Variants in SV2C observed in about 807,000 individuals in gnomAD.
SV2C encodes the protein solute carrier family 22 member B3.
Under a neutral mutation model 79.7 loss-of-function variants are expected in SV2C, and 49 were observed. The observed-to-expected ratio is 0.61, with a 90% CI of 0.49 to 0.78. SV2C has a LOEUF of 0.78. Among genes scored for constraint, SV2C ranks in the 30% least tolerant of loss-of-function variants. The pLI, the probability that SV2C is intolerant of heterozygous loss-of-function variation, is 0.00. For synonymous variants in SV2C, 334 were observed against 333.2 expected, an observed-to-expected ratio of 1.00 and a Z score of -0.03; for missense variants, 833 against 912.9, an observed-to-expected ratio of 0.91 and a Z score of 1.13.
At chr5:75,906,367 C>T in the SV2C span, among the ~76,000 whole-genome samples, 2,512 of 151,774 alleles carry the variant, frequency 0.017, 35 homozygotes, top group African/African-American at 0.043. Flanking sequence ...TGTGCTAAAA[C>T]AGGTATGAAG....
the SV2C span, among the ~76,000 whole-genome samples, chr5:75,917,369 A>C: frequency 2.6e-5 from 4 of 152,344 alleles, no homozygotes; most frequent in South Asian, 4.1e-4. Context: ...AGTTAGGTTT[A>C]GCACTATATC....
Position 76,194,861 on chromosome 5 carries a change from T to C in SV2C, c.581-58T>C, listed in dbSNP as rs1054382824. ...ATTTTGTTCCTTGTTCACTTGCTGT[T>C]ACATGTGTCATTGACTCCCAACCTC... On this transcript the variant is annotated intron_variant, in intron 2 of 12. Coordinates refer to ENST00000502798, the MANE Select transcript of SV2C (RefSeq NM_014979.4). The C allele has an allele frequency of 3.6e-5, 57 of 1,576,878 alleles. No individual in the cohort carries two copies. The Middle Eastern group carries it at 7.6e-4, about 21-fold the overall frequency.
chr5:76,317,695 TGG>T (rs1252533066), intron 12 of SV2C, among the ~76,000 whole-genome samples: 1 of 152,176 alleles, frequency 6.6e-6, no homozygotes, highest in Non-Finnish European at 1.5e-5. Context: ...CTGAGCTTGC[TGG>T]CACACATTTG....
At chr5:76,228,225 A>G (rs1040651468) in intron 4 of SV2C, among the ~76,000 whole-genome samples, 8 of 152,136 alleles carry the variant, frequency 5.3e-5, no homozygotes, top group African/African-American at 1.7e-4. Flanking sequence ...TTTCCCTGCT[A>G]TTAAGCGTCG....
intron 1 of SV2C, among the ~76,000 whole-genome samples, chr5:76,116,417 G>T (rs191948828): frequency 9.9e-5 from 15 of 152,262 alleles, no homozygotes; most frequent in Admixed American, 7.2e-4. Flanking sequence ...TGAGTGATTG[G>T]ATCTTTTAAA....
At chr5:76,088,799 T>TTA (rs1231188941) in intron 1 of SV2C, among the ~76,000 whole-genome samples, 11 of 151,758 alleles carry the variant, frequency 7.2e-5, no homozygotes, top group South Asian at 6.3e-4. Context: ...TCCTTTTTTT[T>TTA]AAAAAAAAAT....
At chr5:75,979,788 G>T in the SV2C span, among the ~76,000 whole-genome samples, 2 of 152,020 alleles carry the variant, frequency 1.3e-5, no homozygotes, top group Non-Finnish European at 2.9e-5. Flanking sequence ...AAGATCTCAA[G>T]TTAACAACCT....
chr5:75,889,177 G>C, the SV2C span, among the ~76,000 whole-genome samples: 1 of 151,522 alleles, frequency 6.6e-6, no homozygotes, highest in East Asian at 2.0e-4. Flanking sequence ...ATGGTGGTTT[G>C]CTGCATCTAT....
Position 76,260,199 on chromosome 5 carries a change from A to G in SV2C, c.914-24963A>G, listed in dbSNP as rs191477721. Among the ~76,000 whole-genome samples, 197 of 152,256 alleles carry G rather than the reference A, an allele frequency of 1.3e-3. 1 individual carries two copies. Among genetic ancestry groups the G allele is most frequent in the African/African-American group, 4.5e-3 (188 of 41,562 alleles). ...TGCATTTCTCTAATGAGCAGTGATGATGAGCTTTTTTTCCTATGTTTGTTG... is the reference window on the plus strand; with the variant it reads ...TGCATTTCTCTAATGAGCAGTGATGGTGAGCTTTTTTTCCTATGTTTGTTG... On this transcript the variant is annotated intron_variant, in intron 4 of 12. Transcript: ENST00000502798.
chr5:76,291,874 T>C lies in SV2C; in HGVS notation c.1337+18T>C. Reference sequence around the variant, plus strand: ...TCCTTTGGGTAAGTGATATTTAAATTCTTGGCAAGCAAAATCGTTCAATGT... The same window carrying C: ...TCCTTTGGGTAAGTGATATTTAAATCCTTGGCAAGCAAAATCGTTCAATGT... On this transcript the variant is annotated intron_variant, in intron 8 of 12. Coordinates refer to ENST00000502798, the MANE Select transcript of SV2C (RefSeq NM_014979.4). The C allele has an allele frequency of 6.4e-7, 1 of 1,573,378 alleles. No individual in the cohort carries two copies. The highest frequency in any genetic ancestry group is 1.1e-5 in the South Asian group (1 of 88,178).
the SV2C span, among the ~76,000 whole-genome samples, chr5:75,900,885 G>A: frequency 2.0e-5 from 3 of 151,998 alleles, no homozygotes; most frequent in East Asian, 1.9e-4. Flanking sequence ...ATCAGCTCCC[G>A]AGGCTTCTGC....
the SV2C span, among the ~76,000 whole-genome samples, chr5:75,852,840 A>G: frequency 8.1e-5 from 12 of 148,060 alleles, no homozygotes; most frequent in Admixed American, 4.0e-4. Flanking sequence ...AAAAAAAAAA[A>G]AAAGAAAAAA....
At chr5:76,043,820 G>A in the SV2C span, among the ~76,000 whole-genome samples, 1 of 152,082 alleles carries the variant, frequency 6.6e-6, no homozygotes, top group Non-Finnish European at 1.5e-5. Flanking sequence ...AAAAGTAGAA[G>A]AAAGTTTCAC....
chr5:76,049,255 T>G, the SV2C span, among the ~76,000 whole-genome samples: 4 of 144,150 alleles, frequency 2.8e-5, no homozygotes, highest in African/African-American at 1.0e-4. Context: ...GAGAATGGCG[T>G]GAACCCGGGA....
At chr5:76,026,912 C>T in the SV2C span, among the ~76,000 whole-genome samples, 1 of 152,074 alleles carries the variant, frequency 6.6e-6, no homozygotes, top group Non-Finnish European at 1.5e-5. Flanking sequence ...AGTTGGAGGG[C>T]TGGCATCCAG....
At chr5:76,030,896 C>T in the SV2C span, among the ~76,000 whole-genome samples, 2 of 152,080 alleles carry the variant, frequency 1.3e-5, no homozygotes, top group African/African-American at 4.8e-5. Context: ...AAATACCTAA[C>T]AATAGTTAAT....
At chr5:75,988,643 C>A in the SV2C span, among the ~76,000 whole-genome samples, 1 of 151,834 alleles carries the variant, frequency 6.6e-6, no homozygotes, top group Non-Finnish European at 1.5e-5. Context: ...GCACACTGGT[C>A]AAGTGTTAGG....
upstream of SV2C, chr5:76,079,621 T>C (rs1746949651): frequency 2.9e-6 from 1 of 346,722 alleles, no homozygotes; most frequent in Non-Finnish European, 5.7e-6. Flanking sequence ...AGGCAAACTG[T>C]GTCAATCTGA....
chr5:76,078,268 G>C, the SV2C span, among the ~76,000 whole-genome samples: 3 of 152,194 alleles, frequency 2.0e-5, no homozygotes, highest in South Asian at 6.2e-4. Flanking sequence ...CAGCCTCTTA[G>C]GAGGGCAAGC....
Sources: allele counts gnomAD v4.1 joint callset (sites outside exome capture counted in the v4.1 genomes callset), GRCh38; gene constraint gnomAD v4.1.1; transcripts MANE v1.5; gene names NCBI Gene and HGNC (gene_info 2026-07-23, HGNC 2026-07-21).